The following CNKSR2 variants were observed in gnomAD, a reference collection of about 807,000 sequenced individuals.
CNKSR2 encodes the protein connector enhancer of kinase suppressor of Ras 2.
A neutral mutation model predicts 84.4 loss-of-function variants in CNKSR2; 14 were observed. The ratio of observed to expected loss-of-function variants is 0.17; its 90% CI spans 0.11 to 0.26. CNKSR2 has a LOEUF of 0.26. Among genes scored for constraint, CNKSR2 ranks in the 10% least tolerant of loss-of-function variants. CNKSR2 has a pLI of 1.00. For missense variants in CNKSR2, 485 were observed against 771.2 expected (o/e 0.63, Z 4.40); for synonymous variants, 275 against 277.9 (o/e 0.99, Z 0.10).
chrX:21,471,022 T>C (rs1241769433), intron 5 of CNKSR2: 1 of 181,723 alleles, frequency 5.5e-6, no homozygotes, highest in Non-Finnish European at 1.0e-5. Flanking sequence ...TTTAAAATTG[T>C]AATGTGTAGC....
intron 1 of CNKSR2, among the ~76,000 whole-genome samples, chrX:21,401,180 C>G (rs1038995195): frequency 9.0e-6 from 1 of 110,821 alleles, no homozygotes; most frequent in African/African-American, 3.3e-5. Context: ...GCTTAGAAAA[C>G]TGGGTTAAGA....
At chrX:21,593,979 C>A (rs2092436267) in intron 15 of CNKSR2, 1 of 111,593 alleles carries the variant, frequency 9.0e-6, no homozygotes, top group Admixed American at 9.5e-5. Flanking sequence ...AGGGTATATA[C>A]CCAGAGGAAT....
intron 3 of CNKSR2, among the ~76,000 whole-genome samples, chrX:21,437,327 ACT>A (rs773092242): frequency 1.6e-4 from 17 of 109,363 alleles, no homozygotes; most frequent in Non-Finnish European, 2.3e-4. Flanking sequence ...AGGAATCGAA[ACT>A]CTTTTCTAAT....
intron 20 of CNKSR2, among the ~76,000 whole-genome samples, chrX:21,625,433 A>T (rs1237629180): frequency 1.8e-5 from 2 of 111,853 alleles, no homozygotes; most frequent in Non-Finnish European, 3.8e-5. Flanking sequence ...CATTTCCCCA[A>T]AGTAGCAGGG....
intron 5 of CNKSR2, among the ~76,000 whole-genome samples, chrX:21,479,229 A>G (rs889482535): frequency 9.0e-6 from 1 of 111,706 alleles, no homozygotes; most frequent in Non-Finnish European, 1.9e-5. Context: ...ATGTTGCTGC[A>G]GAAGACATGA....
At chrX:21,427,554 A>G (rs147341481) in intron 2 of CNKSR2, 37 of 111,961 alleles carry the variant, frequency 3.3e-4, no homozygotes, top group African/African-American at 1.1e-3. Context: ...TATTGGGACT[A>G]TATCTTTACC....
chrX:21,614,418 T>C (rs1456632024), intron 20 of CNKSR2, among the ~76,000 whole-genome samples: 1 of 111,826 alleles, frequency 8.9e-6, no homozygotes, highest in Non-Finnish European at 1.9e-5. Flanking sequence ...ATCATTAATA[T>C]CTTAAGTTAT....
intron 8 of CNKSR2, chrX:21,504,610 T>G (rs1027749935): frequency 1.5e-5 from 4 of 266,446 alleles, no homozygotes; most frequent in Non-Finnish European, 2.6e-5. Flanking sequence ...CTAAGAAAGT[T>G]GAATAAATCA....
At chrX:21,462,175 T>C (rs943623782) in intron 4 of CNKSR2, among the ~76,000 whole-genome samples, 1 of 112,140 alleles carries the variant, frequency 8.9e-6, no homozygotes, top group Non-Finnish European at 1.9e-5. Context: ...ACAAGCAATA[T>C]CTTTTCATTT....
chrX:21,402,026 C>G (rs1178499018), intron 1 of CNKSR2, among the ~76,000 whole-genome samples: 1 of 111,281 alleles, frequency 9.0e-6, no homozygotes, highest in African/African-American at 3.3e-5. Context: ...CATTTTCTCT[C>G]AAACATATGG....
At chrX:21,398,976 C>A (rs1414152543) in intron 1 of CNKSR2, among the ~76,000 whole-genome samples, 1 of 109,940 alleles carries the variant, frequency 9.1e-6, no homozygotes, top group Non-Finnish European at 1.9e-5. Flanking sequence ...TAACCACTCT[C>A]AACCTAGGTA....
At chrX:21,631,403 C>T (rs998475937) in intron 20 of CNKSR2, among the ~76,000 whole-genome samples, 16 of 112,382 alleles carry the variant, frequency 1.4e-4, no homozygotes, top group Non-Finnish European at 3.8e-5. Flanking sequence ...GGTGACTAAT[C>T]AGAAGTTATT....
intron 3 of CNKSR2, among the ~76,000 whole-genome samples, chrX:21,440,343 G>A (rs1486975144): frequency 1.8e-5 from 2 of 111,412 alleles, no homozygotes; most frequent in African/African-American, 6.5e-5. Context: ...ACTGTACTCA[G>A]AATCTTAGAT....
intron 1 of CNKSR2, among the ~76,000 whole-genome samples, chrX:21,395,798 C>A (rs1435744090): frequency 9.0e-6 from 1 of 111,270 alleles, no homozygotes; most frequent in Non-Finnish European, 1.9e-5. Context: ...GACAGTTGGG[C>A]CCTCTGAATT....
chrX:21,436,633 G>C (rs2090709047), intron 3 of CNKSR2, among the ~76,000 whole-genome samples: 1 of 111,420 alleles, frequency 9.0e-6, no homozygotes, highest in Non-Finnish European at 1.9e-5. Flanking sequence ...TAGAGTTATT[G>C]TGTTCTTCTT....
chrX:21,516,946 T>C (rs985007676), intron 9 of CNKSR2, among the ~76,000 whole-genome samples: 9 of 112,003 alleles, frequency 8.0e-5, no homozygotes, highest in African/African-American at 2.9e-4. Flanking sequence ...TTTTATGATA[T>C]GATCTTCTAT....
At chrX:21,435,370 G>A (rs759930927) in intron 3 of CNKSR2, among the ~76,000 whole-genome samples, 2 of 110,682 alleles carry the variant, frequency 1.8e-5, no homozygotes, top group African/African-American at 6.5e-5. Flanking sequence ...AAATGTTTAG[G>A]GCGTAATAGT....
At position 21,470,592 on chromosome X, in the gene CNKSR2, A is replaced by G. The variant is rs2091185089; in HGVS notation, c.520-174A>G. 8 of 256,739 alleles carry G rather than the reference A, an allele frequency of 3.1e-5. No individual in the cohort carries two copies. The East Asian group carries it at 5.2e-4, about 17-fold the overall frequency. 21.2% of individuals were successfully genotyped at this position (256,739 alleles called of 1,213,427 possible). A position where few individuals can be genotyped will look rare whatever the true frequency, so the allele number is the denominator to read the frequency against. ...ATAAGGATAGCCTCTGTTACTGACCATCAGAGCTAACCATTATTAATATTT... is the reference window on the plus strand; with the variant it reads ...ATAAGGATAGCCTCTGTTACTGACCGTCAGAGCTAACCATTATTAATATTT... On this transcript the variant is annotated intron_variant, in intron 4 of 21. Transcript: ENST00000379510.
Position 21,606,852 on chromosome X carries a change from A to G in CNKSR2, c.2118A>G (p.Pro706=). 8.5e-7 allele frequency: 1 copy of G among 1,180,391 alleles called. No homozygotes were observed. Among genetic ancestry groups the G allele is most frequent in the Non-Finnish European group, 1.1e-6 (1 of 869,930 alleles). ...CAAAACAAGATAGCCCTCCACCCCC[A>G]TATGATACATACCCACGACCTCCCT... ...STPKQDSPPP[P]YDTYPRPPSM... is the part of the protein sequence containing the mutation. Residue 706 remains proline, a synonymous_variant, in exon 19 of 22, where the codon CCA becomes CCG. Coordinates refer to ENST00000379510, the MANE Select transcript of CNKSR2 (RefSeq NM_014927.5).
Sources: allele counts gnomAD v4.1 joint callset (sites outside exome capture counted in the v4.1 genomes callset), GRCh38; gene constraint gnomAD v4.1.1; transcripts MANE v1.5; gene names NCBI Gene and HGNC (gene_info 2026-07-23, HGNC 2026-07-21).